TMC1: variants seen among roughly 807,000 people sequenced by gnomAD.
TMC1 encodes the protein transmembrane channel like 1.
Under a neutral mutation model 105.8 loss-of-function variants are expected in TMC1, and 84 were observed. The ratio of observed to expected loss-of-function variants is 0.79; its 90% confidence interval spans 0.67 to 0.95. The LOEUF is 0.95. Among genes scored for constraint, TMC1 ranks in the 40% least tolerant of loss-of-function variants. The pLI is 0.00. For synonymous variants in TMC1, 315 were observed against 311.5 expected (o/e 1.01, Z -0.12); for missense variants, 817 against 914.1 (o/e 0.89, Z 1.37).
intron 5 of TMC1, among the ~76,000 whole-genome samples, chr9:72,658,435 T>G (rs1588016782): frequency 6.6e-6 from 1 of 152,178 alleles, no homozygotes. Flanking sequence ...TGTTTTGCAG[T>G]GCAGGCCCTG....
intron 5 of TMC1, among the ~76,000 whole-genome samples, chr9:72,659,675 G>A (rs1050661520): frequency 6.6e-6 from 1 of 152,176 alleles, no homozygotes; most frequent in Admixed American, 6.5e-5. Context: ...ATACCATGTG[G>A]AGTTTGTTTA....
chr9:72,757,436 T>C (rs747732427), intron 12 of TMC1, among the ~76,000 whole-genome samples: 7 of 152,226 alleles, frequency 4.6e-5, no homozygotes, highest in African/African-American at 9.6e-5. Flanking sequence ...TCAGAGTATG[T>C]AGCACACAGT....
At chr9:72,651,729 T>G (rs1825817178) in intron 5 of TMC1, 1 of 152,184 alleles carries the variant, frequency 6.6e-6, no homozygotes, top group South Asian at 2.1e-4. Context: ...ACTTGGTCAG[T>G]TGAGTAGAAG....
intron 13 of TMC1, 75 bp downstream of exon 13, chr9:72,772,630 A>G (rs1423313881): frequency 1.9e-5 from 31 of 1,593,174 alleles, no homozygotes; most frequent in Non-Finnish European, 2.5e-5. Flanking sequence ...TGGGGATTGG[A>G]TATAATTTTG....
At chr9:72,635,706 A>AT (rs1689308352) in intron 4 of TMC1, among the ~76,000 whole-genome samples, 1 of 152,226 alleles carries the variant, frequency 6.6e-6, no homozygotes, top group African/African-American at 2.4e-5. Flanking sequence ...CATAGAAAGC[A>AT]TAGAAAGAAG....
chr9:72,655,614 C>T (rs1825871087), intron 5 of TMC1, among the ~76,000 whole-genome samples: 3 of 152,004 alleles, frequency 2.0e-5, no homozygotes, highest in South Asian at 2.1e-4. Context: ...TGGTGGTGGG[C>T]GCCTGTAGTC....
At chr9:72,591,590 T>G (rs1183380996) in intron 2 of TMC1, among the ~76,000 whole-genome samples, 1 of 152,226 alleles carries the variant, frequency 6.6e-6, no homozygotes, top group East Asian at 1.9e-4. Context: ...AGAGATGGTC[T>G]CACACTGTTG....
intron 1 of TMC1, among the ~76,000 whole-genome samples, chr9:72,527,945 C>T (rs1211358551): frequency 1.3e-5 from 2 of 152,092 alleles, no homozygotes; most frequent in Non-Finnish European, 2.9e-5. Context: ...TTTCAGTGTT[C>T]CTGTTTTCTT....
At chr9:72,759,221 C>T (rs1421569986) in intron 12 of TMC1, among the ~76,000 whole-genome samples, 1 of 152,024 alleles carries the variant, frequency 6.6e-6, no homozygotes, top group Non-Finnish European at 1.5e-5. Flanking sequence ...GGAAATGGAA[C>T]CAAATACCGT....
intron 8 of TMC1, among the ~76,000 whole-genome samples, chr9:72,710,361 A>G (rs1054571663): frequency 6.6e-6 from 1 of 152,152 alleles, no homozygotes; most frequent in Non-Finnish European, 1.5e-5. Context: ...TGTTGGGTCC[A>G]TTTGTTCTAG....
intron 1 of TMC1, among the ~76,000 whole-genome samples, chr9:72,573,788 T>C (rs1824327662): frequency 6.6e-6 from 1 of 152,236 alleles, no homozygotes; most frequent in African/African-American, 2.4e-5. Context: ...CTTTTTTCTT[T>C]TATTTTAAAC....
intron 10 of TMC1, among the ~76,000 whole-genome samples, chr9:72,744,382 A>G (rs540840305): frequency 6.6e-6 from 1 of 152,250 alleles, no homozygotes; most frequent in East Asian, 1.9e-4. Context: ...TTACAGACAA[A>G]CTCGCTAAAT....
intron 21 of TMC1, 91 bp from the exon 22 acceptor site, chr9:72,830,360 G>A (rs1829019351): frequency 4.5e-6 from 4 of 891,964 alleles, no homozygotes; most frequent in Non-Finnish European, 7.3e-6. Flanking sequence ...TTCCCATGCT[G>A]ATATTTCATA....
chr9:72,775,885 G>C (rs2118138542), intron 13 of TMC1, among the ~76,000 whole-genome samples: 1 of 152,146 alleles, frequency 6.6e-6, no homozygotes, highest in South Asian at 2.1e-4. Context: ...GGAGGTGCTG[G>C]GCTCTTTTAA....
intron 1 of TMC1, among the ~76,000 whole-genome samples, chr9:72,551,051 G>A (rs1011581703): frequency 6.6e-6 from 1 of 152,140 alleles, no homozygotes; most frequent in African/African-American, 2.4e-5. Context: ...ATGCTATATT[G>A]TTGCTGGCTT....
chr9:72,800,979 A>C (rs1435922033), intron 17 of TMC1, among the ~76,000 whole-genome samples: 1 of 152,148 alleles, frequency 6.6e-6, no homozygotes, highest in Non-Finnish European at 1.5e-5. Context: ...ATGCCTCCAA[A>C]AATAGTAAAG....
At chr9:72,832,797 A>G (rs538599516) in intron 23 of TMC1, among the ~76,000 whole-genome samples, 1 of 152,172 alleles carries the variant, frequency 6.6e-6, no homozygotes, top group East Asian at 1.9e-4. Flanking sequence ...TGAAATTTTT[A>G]ATTTTTTAAA....
chr9:72,641,112 A>G (rs1030424332), intron 4 of TMC1, among the ~76,000 whole-genome samples: 7 of 151,816 alleles, frequency 4.6e-5, no homozygotes, highest in African/African-American at 1.7e-4. Context: ...TTTTCTTTTT[A>G]AGACAGGGCC....
chr9:72,567,414 T>C (rs1229691535), intron 1 of TMC1, among the ~76,000 whole-genome samples: 2 of 152,230 alleles, frequency 1.3e-5, no homozygotes, highest in Non-Finnish European at 2.9e-5. Context: ...TATTAGTCCA[T>C]TCTCATGCCA....
Sources: gnomAD v4.1 joint callset for allele counts (sites outside exome capture counted in the v4.1 genomes callset) on GRCh38, gnomAD v4.1.1 for gene constraint, MANE v1.5 for transcripts, NCBI Gene and HGNC (gene_info 2026-07-23, HGNC 2026-07-21) for gene names.